Variants in NCOR2 observed in about 807,000 individuals in gnomAD.
NCOR2 encodes nuclear receptor corepressor 2.
A neutral mutation model predicts 262.9 loss-of-function variants in NCOR2; 81 were observed. The observed-to-expected ratio is 0.31, with a 90% CI of 0.26 to 0.37. The LOEUF is 0.37. Among genes scored for constraint, NCOR2 ranks in the 10% least tolerant of loss-of-function variants. The probability of loss-of-function intolerance (pLI) is 1.00; values close to 1 mark genes in which losing one functional copy is unlikely to be tolerated. For synonymous variants in NCOR2, 1,659 were observed against 1,559.3 expected (o/e 1.06, Z -1.51); for missense variants, 3,385 against 3,621.4 (o/e 0.93, Z 1.68).
intron 8 of NCOR2, among the ~76,000 whole-genome samples, chr12:124,431,972 A>G (rs1236919332): frequency 3.3e-5 from 5 of 152,070 alleles, no homozygotes; most frequent in African/African-American, 7.2e-5. Context: ...AGTCAGTCAC[A>G]CAGGCAGGCA....
chr12:124,358,290 T>C (rs1013768423), intron 22 of NCOR2, among the ~76,000 whole-genome samples: 3 of 148,796 alleles, frequency 2.0e-5, no homozygotes, highest in Non-Finnish European at 4.4e-5. Flanking sequence ...TGTGTGTATG[T>C]GCACGTGCAC....
chr12:124,325,378 C>CCCCGG, exon 47 of NCOR2: 2 of 232,298 alleles, frequency 8.6e-6, no homozygotes, highest in Non-Finnish European at 6.5e-6. Flanking sequence ...CCTGACACCG[C>CCCCGG]CCCCCCCCCC....
chr12:124,406,839 T>C (rs1379024740), intron 13 of NCOR2, among the ~76,000 whole-genome samples: 1 of 152,214 alleles, frequency 6.6e-6, no homozygotes, highest in Admixed American at 6.5e-5. Flanking sequence ...ACTGGGCCTG[T>C]GCAGAAGCCC....
rs2040210365 is a variant in NCOR2, at chr12:124,378,934, C to A, written c.2020-550G>T. ...GACAAGGTCCTGCCCTTGGAGGCTG[C>A]CCTGCCGCTGGGGAGACTGGCAACG... On this transcript the variant is annotated intron_variant, in intron 17 of 46. Coordinates refer to ENST00000405201, the Ensembl canonical transcript of NCOR2. The surrounding 1 kb of genome is among the most constrained non-coding windows in gnomAD (Gnocchi z 4.2). 2.3e-5 allele frequency among the ~76,000 whole-genome samples: 1 copy of A among 43,630 alleles called. No individual in the cohort carries two copies. The highest frequency in any genetic ancestry group is 7.2e-5 in the Non-Finnish European group (1 of 13,926). 28.6% of individuals were successfully genotyped at this position (43,630 alleles called of 152,430 possible). A position where few individuals can be genotyped will look rare whatever the true frequency, so the allele number is the denominator to read the frequency against.
At chr12:124,520,283 C>T (rs1012499777) in intron 1 of NCOR2, among the ~76,000 whole-genome samples, 1 of 152,216 alleles carries the variant, frequency 6.6e-6, no homozygotes, top group Admixed American at 6.5e-5. Context: ...GCCCAAAGAT[C>T]CAGCACCATC....
rs2043980066 is a variant in NCOR2 at position 124,432,005 on chromosome 12, G to A, written c.883-1218C>T. Among the ~76,000 whole-genome samples the A allele has an allele frequency of 6.6e-6, 1 of 151,192 alleles. No individual in the cohort carries two copies. The highest frequency in any genetic ancestry group is 2.4e-5 in the African/African-American group (1 of 41,074). On this transcript the variant is annotated intron_variant, in intron 8 of 46. Coordinates refer to ENST00000405201, the Ensembl canonical transcript of NCOR2. This position sits in a 1 kb window ranked among gnomAD's most constrained non-coding sequence, Gnocchi z 5.1. ...GCAGACACACACACATGGTCATGCA[G>A]GCAGACATATGACAGACACACACAC...
Position 124,432,891 on chromosome 12 carries a change from C to T in NCOR2, c.883-2104G>A, listed in dbSNP as rs1484563443. Among the ~76,000 whole-genome samples, 3 of 152,010 alleles carry T rather than the reference C, an allele frequency of 2.0e-5. No individual in the cohort carries two copies. Among genetic ancestry groups the T allele is most frequent in the Non-Finnish European group, 2.9e-5 (2 of 67,980 alleles). The stretch of plus-strand genomic sequence containing the variant: ...CGGGGGGTGGGGGCGGGGAAGGGGA[C>T]GCAGGGCGAGCCACCCACACAACCC... On this transcript the variant is annotated intron_variant, in intron 8 of 46. Transcript: ENST00000405201. The surrounding 1 kb of genome is among the most constrained non-coding windows in gnomAD (Gnocchi z 5.1).
At chr12:124,346,508 ACAGC>A (rs2036947044) in intron 31 of NCOR2, 52 bp downstream of exon 33, 1 of 1,439,664 alleles carries the variant, frequency 6.9e-7, no homozygotes. Context: ...GCAGTGCCCC[ACAGC>A]CACCGCCACC....
chr12:124,496,550 C>CA (rs765782256), upstream of NCOR2, among the ~76,000 whole-genome samples: 1 of 152,104 alleles, frequency 6.6e-6, no homozygotes, highest in Non-Finnish European at 1.5e-5. The surrounding 1 kb of genome is among the most constrained non-coding windows in gnomAD (Gnocchi z 4.4). Context: ...AGAGCATACC[C>CA]AGCCCTGCAA....
intron 13 of NCOR2, among the ~76,000 whole-genome samples, chr12:124,415,715 C>T (rs531577642): frequency 2.6e-5 from 4 of 152,336 alleles, no homozygotes; most frequent in African/African-American, 9.6e-5. Context: ...GGGATAAAAA[C>T]TCACCAGCAA....
intron 1 of NCOR2, among the ~76,000 whole-genome samples, chr12:124,521,818 G>T (rs1410886973): frequency 1.3e-5 from 2 of 152,162 alleles, no homozygotes; most frequent in Non-Finnish European, 2.9e-5. Context: ...AGGAGCTCAA[G>T]ACCAGCCTGG....
At chr12:124,367,461 C>T (rs1261163121) in intron 20 of NCOR2, among the ~76,000 whole-genome samples, 2 of 152,064 alleles carry the variant, frequency 1.3e-5, no homozygotes, top group Non-Finnish European at 2.9e-5. Flanking sequence ...AGTCCTAAGC[C>T]CCCAGAGGGA....
intron 1 of NCOR2, among the ~76,000 whole-genome samples, chr12:124,509,262 C>T (rs922404881): frequency 7.3e-6 from 1 of 137,120 alleles, no homozygotes; most frequent in African/African-American, 3.0e-5. Flanking sequence ...TAACTCTGAA[C>T]TCTCAAGCTG....
upstream of NCOR2, chr12:124,495,513 C>T: frequency 1.9e-6 from 1 of 531,448 alleles, no homozygotes. This position sits in a 1 kb window ranked among gnomAD's most constrained non-coding sequence, Gnocchi z 4.4. Context: ...TCCACTGCCA[C>T]ACTCACCTGT....
chr12:124,411,083 G>GGA (rs10567535), intron 13 of NCOR2, among the ~76,000 whole-genome samples: 8 of 124,944 alleles, frequency 6.4e-5, no homozygotes, highest in South Asian at 2.8e-4. Context: ...AGAGAGAAGG[G>GGA]GAGAGAGAGA....
At chr12:124,439,414 C>CAGAG (rs773057938) in intron 7 of NCOR2, among the ~76,000 whole-genome samples, 469 of 35,140 alleles carry the variant, frequency 0.013, 10 homozygotes, top group East Asian at 0.033. Context: ...GACAGAGACC[C>CAGAG]AGAGAGAGAG....
chr12:124,557,325 G>T (rs1031918324), intron 1 of NCOR2, among the ~76,000 whole-genome samples: 1 of 152,250 alleles, frequency 6.6e-6, no homozygotes, highest in African/African-American at 2.4e-5. Flanking sequence ...TCAAAATCAA[G>T]GTGTTGGCAG....
intron 4 of NCOR2, among the ~76,000 whole-genome samples, chr12:124,467,121 A>ATCACCCTCATCCTCATCACCC (rs2046467233): frequency 5.3e-5 from 6 of 112,354 alleles, no homozygotes; most frequent in African/African-American, 1.5e-4. Flanking sequence ...CCTCATGACC[A>ATCACCCTCATCCTCATCACCC]CCATCACCCT....
chr12:124,374,544 G>C, intron 18 of NCOR2, 81 bp from the exon 21 acceptor site: 1 of 1,356,770 alleles, frequency 7.4e-7, no homozygotes, highest in Non-Finnish European at 1.0e-6. Flanking sequence ...GTGGCCAAGA[G>C]GGGCCTGAAG....
Sources: allele counts gnomAD v4.1 joint callset (sites outside exome capture counted in the v4.1 genomes callset), GRCh38; gene constraint gnomAD v4.1.1; non-coding constraint Gnocchi (gnomAD v3.1); transcripts MANE v1.5; gene names NCBI Gene and HGNC (gene_info 2026-07-23, HGNC 2026-07-21).